The following MARCHF8 variants were observed in gnomAD, a reference collection of about 807,000 sequenced individuals.
The protein encoded by MARCHF8 is membrane associated ring-CH-type finger 8.
Under a neutral mutation model 51.6 loss-of-function variants are expected in MARCHF8, and 40 were observed. The observed-to-expected ratio is 0.77, with a 90% confidence interval of 0.60 to 1.01. The LOEUF is 1.01. MARCHF8 is among the 50% of genes least tolerant of loss of function. The probability of loss-of-function intolerance (pLI) is 0.00; values close to 1 mark genes in which losing one functional copy is unlikely to be tolerated. For synonymous variants in MARCHF8, 263 were observed against 280.3 expected (o/e 0.94, Z 0.62); for missense variants, 685 against 708.6 (o/e 0.97, Z 0.38).
rs796723119 is a variant in MARCHF8 at position 45,506,991 on chromosome 10, CT to C, written c.103-17575del. On this transcript the variant is annotated intron_variant, in intron 2 of 7. Coordinates refer to ENST00000453424, the MANE Select transcript of MARCHF8 (RefSeq NM_001282866.2). ...GTTAAATGTGTTCATTTTTGCCACTCTTGAGACTTGTACACAATGAAAGTGT... is the reference window on the plus strand; with the variant it reads ...GTTAAATGTGTTCATTTTTGCCACTCTGAGACTTGTACACAATGAAAGTGT... Among the ~76,000 whole-genome samples, 17 of 152,288 alleles carry C rather than the reference CT, an allele frequency of 1.1e-4. No individual in the cohort carries two copies. In the East Asian group the frequency reaches 2.5e-3, roughly 22 times the overall value.
intron 1 of MARCHF8, among the ~76,000 whole-genome samples, chr10:45,587,718 G>A (rs756980393): frequency 3.9e-5 from 6 of 151,968 alleles, no homozygotes; most frequent in Admixed American, 6.6e-5. Flanking sequence ...ATATGGTACC[G>A]ACATAAGAAC....
chr10:45,481,232 A>C (rs1469145818), intron 3 of MARCHF8, among the ~76,000 whole-genome samples: 1 of 152,160 alleles, frequency 6.6e-6, no homozygotes, highest in African/African-American at 2.4e-5. Flanking sequence ...GAAACTAACT[A>C]ACTTGATTTT....
At position 45,454,648 on chromosome 10, in the gene MARCHF8, T is replaced by C. The variant is rs142210429; in HGVS notation, c.*3591A>G. Reference sequence around the variant, plus strand: ...TCCCAGTGTATAGCACAAACCCCCCTGTACAGAGAATTATTCAAGTGGTAA... The same window carrying C: ...TCCCAGTGTATAGCACAAACCCCCCCGTACAGAGAATTATTCAAGTGGTAA... On this transcript the variant is annotated 3_prime_UTR_variant, in exon 8 of 8. Transcript: ENST00000453424. 2 of 152,194 alleles carry C rather than the reference T, an allele frequency of 1.3e-5. No individual in the cohort carries two copies. The highest frequency in any genetic ancestry group is 2.9e-5 in the Non-Finnish European group (2 of 68,040). The allele number at this position is 152,194 out of a possible 1,614,324, so 9.4% of individuals were successfully genotyped here. A position where few individuals can be genotyped will look rare whatever the true frequency, so the allele number is the denominator to read the frequency against.
intron 3 of MARCHF8, among the ~76,000 whole-genome samples, chr10:45,465,347 C>T (rs1430135361): frequency 6.6e-6 from 1 of 152,200 alleles, no homozygotes; most frequent in Non-Finnish European, 1.5e-5. Context: ...AAGGCCATAT[C>T]ACCACCCACC....
chr10:45,486,956 T>C (rs2042991777), intron 3 of MARCHF8, among the ~76,000 whole-genome samples: 1 of 151,876 alleles, frequency 6.6e-6, no homozygotes, highest in South Asian at 2.1e-4. Flanking sequence ...ACTGCAGGTG[T>C]GCACCACCAC....
At chr10:45,459,079 C>T (rs201734974) in intron 7 of MARCHF8, 41 bp downstream of exon 7, 2 of 1,612,908 alleles carry the variant, frequency 1.2e-6, no homozygotes, top group African/African-American at 1.3e-5. Flanking sequence ...TGTGAGCTAT[C>T]CCGGCCCCCA....
In MARCHF8 at chr10:45,509,940, C is replaced by A. The variant is rs1001208118; in HGVS notation, c.103-20523G>T. ...GAGCAAACTTAAGAACTTTAAGGAA[C>A]TTTTAACACTCTTGCTGTGCCCAGC... On this transcript the variant is annotated intron_variant, in intron 2 of 7. Transcript: ENST00000453424. Among the ~76,000 whole-genome samples the A allele has an allele frequency of 2.6e-5, 4 of 152,132 alleles. No individual in the cohort carries two copies. The South Asian group carries it at 6.2e-4, about 24-fold the overall frequency.
chr10:45,551,698 C>T (rs1004357119), intron 1 of MARCHF8, among the ~76,000 whole-genome samples: 1 of 152,182 alleles, frequency 6.6e-6, no homozygotes, highest in Non-Finnish European at 1.5e-5. Flanking sequence ...AGAATCAACT[C>T]TTCCCTGAGC....
At chr10:45,511,236 C>T (rs958640977) in intron 2 of MARCHF8, among the ~76,000 whole-genome samples, 6 of 152,116 alleles carry the variant, frequency 3.9e-5, no homozygotes, top group African/African-American at 1.4e-4. Flanking sequence ...CTTAATTATA[C>T]ATTAGTAAAA....
At chr10:45,540,946 T>C (rs894028505) in intron 1 of MARCHF8, among the ~76,000 whole-genome samples, 6 of 152,082 alleles carry the variant, frequency 3.9e-5, no homozygotes, top group African/African-American at 1.4e-4. Context: ...TGTGGAGAAA[T>C]AGGAACACTT....
At chr10:45,561,910 AAAAAAAAAAAAGAAATTTT>A (rs1410600481) in intron 1 of MARCHF8, among the ~76,000 whole-genome samples, 2 of 151,466 alleles carry the variant, frequency 1.3e-5, no homozygotes, top group African/African-American at 4.8e-5. Flanking sequence ...CAAAAAAAAA[AAAAAAAAAAAAGAAATTTT>A]AAAATGAGCA....
intron 3 of MARCHF8, among the ~76,000 whole-genome samples, chr10:45,470,119 G>T (rs1843121028): frequency 6.6e-6 from 1 of 152,120 alleles, no homozygotes; most frequent in African/African-American, 2.4e-5. Flanking sequence ...CCATATAAGA[G>T]GTGTGTTGCT....
intron 3 of MARCHF8, among the ~76,000 whole-genome samples, chr10:45,470,102 T>C (rs564781413): frequency 9.2e-5 from 14 of 152,266 alleles, no homozygotes; most frequent in African/African-American, 2.9e-4. Flanking sequence ...TGGAAAGCAT[T>C]TGCCACCCAT....
chr10:45,549,129 G>C (rs1435202741), intron 1 of MARCHF8, among the ~76,000 whole-genome samples: 1 of 152,180 alleles, frequency 6.6e-6, no homozygotes, highest in Non-Finnish European at 1.5e-5. Flanking sequence ...AGAGGTCAAG[G>C]CTCCAGCAGC....
At chr10:45,571,135 C>G (rs2044424621) in intron 1 of MARCHF8, among the ~76,000 whole-genome samples, 1 of 151,998 alleles carries the variant, frequency 6.6e-6, no homozygotes, top group Non-Finnish European at 1.5e-5. Flanking sequence ...CTAGAACGGC[C>G]AAAACAATCT....
At chr10:45,588,596 A>C (rs890543653) in intron 1 of MARCHF8, among the ~76,000 whole-genome samples, 1 of 152,224 alleles carries the variant, frequency 6.6e-6, no homozygotes, top group Non-Finnish European at 1.5e-5. Flanking sequence ...AATAAAAGAA[A>C]TTTTAGCCAT....
intron 3 of MARCHF8, among the ~76,000 whole-genome samples, chr10:45,488,000 G>A (rs867675686): frequency 5.3e-5 from 8 of 152,112 alleles, no homozygotes; most frequent in African/African-American, 1.4e-4. Flanking sequence ...ACTGTATGGC[G>A]AAGGGGTTGG....
intron 1 of MARCHF8, chr10:45,593,451 G>C (rs959425845): frequency 6.6e-6 from 1 of 152,134 alleles, no homozygotes. Context: ...TCTTGCTCCA[G>C]GGTCTCAAGA....
At chr10:45,587,004 A>G (rs1048931887) in intron 1 of MARCHF8, among the ~76,000 whole-genome samples, 8 of 150,960 alleles carry the variant, frequency 5.3e-5, no homozygotes, top group Non-Finnish European at 1.2e-4. Flanking sequence ...TGCTTTTTGT[A>G]CCACATATAA....
Sources: allele counts gnomAD v4.1 joint callset (sites outside exome capture counted in the v4.1 genomes callset), GRCh38; gene constraint gnomAD v4.1.1; transcripts MANE v1.5; gene names NCBI Gene and HGNC (gene_info 2026-07-23, HGNC 2026-07-21).